The following ZNF415 variants were observed in gnomAD, a reference collection of about 807,000 sequenced individuals.
ZNF415 encodes zinc finger protein 415.
Under a neutral mutation model 7.3 loss-of-function variants are expected in ZNF415, and 5 were observed. The observed-to-expected ratio is 0.69, with a 90% confidence interval of 0.36 to 1.44. The LOEUF (loss-of-function observed/expected upper bound fraction) is 1.44, where lower values mean the gene tolerates loss of function less well. Ranked by LOEUF, ZNF415 falls within the 40% of genes most tolerant of loss-of-function variation. The pLI, the probability that ZNF415 is intolerant of heterozygous loss-of-function variation, is 0.04. For missense variants in ZNF415, 628 were observed against 664.8 expected (o/e 0.94, Z 0.61); for synonymous variants, 207 against 226.3 (o/e 0.91, Z 0.77).
rs777564271 is a variant in ZNF415 at position 53,109,788 on chromosome 19, A to C, written c.257T>G (p.Phe86Cys). The change falls in exon 4 of 4, where the codon TTC (phenylalanine) becomes TGC (cysteine). Residue 86 changes from phenylalanine (F) to cysteine (C), a missense_variant. Transcript: ENST00000243643. ...GTGTATTTTTTTCTTGATTTCCCTG[A>C]AGCAAAACTCTTCAATGTCATGTTT... is the stretch of plus-strand genomic sequence containing the variant. The part of the protein sequence containing the change: ...HEKHDIEEFC[F>C]REIKKKIHDF... 1.9e-6 allele frequency: 3 copies of C among 1,614,100 alleles called. No homozygotes were observed. Among genetic ancestry groups the C allele is most frequent in the Non-Finnish European group, 2.5e-6 (3 of 1,180,010 alleles).
Position 53,109,318 on chromosome 19 carries a change from CTT to C in ZNF415, c.725_726del (p.Lys242ArgfsTer3), listed in dbSNP as rs767680149. On this transcript the variant is annotated frameshift_variant, in exon 4 of 4. Transcript: ENST00000243643. LOFTEE classifies it low-confidence loss of function (END_TRUNC). The part of the protein sequence containing the change: ...TVRQVSHSGE[K>X]GYKCDLCGKV... ...TTGCCACACAGATCACATTTATATC[CTT>C]TCTCTCCAGAATGACTTACCTGACG... The C allele has an allele frequency of 6.2e-7, 1 of 1,614,036 alleles. No homozygotes were observed. Among genetic ancestry groups the C allele is most frequent in the African/African-American group, 1.3e-5 (1 of 74,912 alleles).
At position 53,109,453 on chromosome 19, in the gene ZNF415, T is replaced by G; in HGVS notation, c.592A>C (p.Ile198Leu). 6.2e-7 allele frequency: 1 copy of G among 1,614,118 alleles called. No individual in the cohort carries two copies. Among genetic ancestry groups the G allele is most frequent in the Non-Finnish European group, 8.5e-7 (1 of 1,179,990 alleles). The change falls in exon 4 of 4, where the codon ATC becomes CTC. Residue 198 changes from isoleucine to leucine, a missense_variant. Physicochemically the swap from Ile to Leu is conservative, Grantham distance 5. Coordinates refer to ENST00000243643, the MANE Select transcript of ZNF415 (RefSeq NM_018355.4). ...HVSNKYGTDF[I>L]CSSLLTQEQK... is the part of the protein sequence containing the mutation. ...TCTTGTGTGAGTAATGAAGAACAGA[T>G]GAAATCAGTCCCATATTTATTAGAA...
chr19:53,119,260 C>T (rs10418143), intron 2 of ZNF415, among the ~76,000 whole-genome samples: 12,629 of 150,464 alleles, frequency 0.084, 564 homozygotes, highest in East Asian at 0.12. Context: ...CCAGCCTGGG[C>T]GACAGAGGGA....
rs1181274057 is a variant in ZNF415, at chr19:53,108,355, T to C, written c.*22A>G. 6.4e-7 allele frequency: 1 copy of C among 1,570,706 alleles called. No homozygotes were observed. The highest frequency in any genetic ancestry group is 1.4e-5 in the African/African-American group (1 of 73,166). On this transcript the variant is annotated 3_prime_UTR_variant, in exon 4 of 4. Transcript: ENST00000243643. ...CTTTGATGACTCACAGGATTTAAAC[T>C]TTGACTGAAGACCTTGCCATATTAA...
At chr19:53,117,720 A>G (rs1272648942) in intron 2 of ZNF415, among the ~76,000 whole-genome samples, 3 of 152,154 alleles carry the variant, frequency 2.0e-5, no homozygotes, top group African/African-American at 7.2e-5. Context: ...TGGCCCTACA[A>G]GAAATGCTTA....
At chr19:53,119,364 G>C (rs1017290993) in intron 2 of ZNF415, among the ~76,000 whole-genome samples, 12 of 136,798 alleles carry the variant, frequency 8.8e-5, no homozygotes, top group African/African-American at 3.2e-4. Flanking sequence ...AGAATCGCTT[G>C]AACCAGGGAG....
Position 53,108,484 on chromosome 19 carries a change from T to G in ZNF415, c.1561A>C (p.Lys521Gln), listed in dbSNP as rs150603178. The G allele has an allele frequency of 2.5e-6, 4 of 1,613,836 alleles. No individual in the cohort carries two copies. The African/African-American group carries it at 5.3e-5, about 22-fold the overall frequency. The change falls in exon 4 of 4, where the codon AAG becomes CAG. Residue 521 changes from lysine to glutamine, a missense_variant. By Grantham distance (53) the Lys-to-Gln change is moderately conservative. Transcript: ENST00000243643. ...LTRHQIIHTG[K>Q]KPYKCSDCGK... Reference sequence around the variant, plus strand: ...CAATCACTACATTTGTAAGGTTTCTTTCCAGTATGGATTATCTGATGTCTA... The same window carrying G: ...CAATCACTACATTTGTAAGGTTTCTGTCCAGTATGGATTATCTGATGTCTA...
At chr19:53,118,055 C>T (rs568291654) in intron 2 of ZNF415, among the ~76,000 whole-genome samples, 1 of 152,004 alleles carries the variant, frequency 6.6e-6, no homozygotes, top group Non-Finnish European at 1.5e-5. Context: ...TATATGCTAC[C>T]TTTAAGAAAC....
intron 3 of ZNF415, chr19:53,115,705 T>C: frequency 1.3e-6 from 2 of 1,549,974 alleles, no homozygotes; most frequent in Non-Finnish European, 1.7e-6. Context: ...AGGTCTTACC[T>C]GTTTTCACAC....
chr19:53,108,724 T>C lies in ZNF415; in HGVS notation c.1321A>G (p.Lys441Glu). 6.2e-7 allele frequency: 1 copy of C among 1,614,208 alleles called. No individual in the cohort carries two copies. The highest frequency in any genetic ancestry group is 8.5e-7 in the Non-Finnish European group (1 of 1,180,028). ...RRVHTGEKPYKCNECGKAFSV... is the reference protein window; with the variant it reads ...RRVHTGEKPYECNECGKAFSV... ...AAGGCTTTCCCACACTCATTACACT[T>C]GTAAGGTTTCTCTCCAGTATGAACT... The change falls in exon 4 of 4, where the codon AAG becomes GAG. Residue 441 changes from lysine (K) to glutamate (E), a missense_variant. Coordinates refer to ENST00000243643, the MANE Select transcript of ZNF415 (RefSeq NM_018355.4).
intron 3 of ZNF415, chr19:53,115,441 T>A: frequency 2.1e-6 from 1 of 476,254 alleles, no homozygotes; most frequent in Non-Finnish European, 3.8e-6. Context: ...AGCCAGAGAG[T>A]TCACGGAAGT....
intron 1 of ZNF415, among the ~76,000 whole-genome samples, chr19:53,131,662 C>T (rs1264415170): frequency 6.6e-6 from 1 of 152,004 alleles, no homozygotes; most frequent in East Asian, 1.9e-4. Flanking sequence ...TCCTCTCCTG[C>T]TGCTCCTCCC....
chr19:53,120,355 A>C (rs1241694183), intron 2 of ZNF415, among the ~76,000 whole-genome samples: 1 of 152,200 alleles, frequency 6.6e-6, no homozygotes, highest in Non-Finnish European at 1.5e-5. Context: ...GTAAATATTC[A>C]CAACTTGCAG....
chr19:53,110,014 A>G, intron 3 of ZNF415, 106 bp from the exon 4 acceptor site: 2 of 902,976 alleles, frequency 2.2e-6, no homozygotes, highest in East Asian at 5.8e-5. Flanking sequence ...TATACAACAG[A>G]GTTATAAAAC....
intron 2 of ZNF415, among the ~76,000 whole-genome samples, chr19:53,118,734 A>G (rs187676517): frequency 5.3e-5 from 8 of 152,300 alleles, no homozygotes; most frequent in African/African-American, 1.4e-4. Context: ...ATTAAAAAAA[A>G]AAAATCTTGA....
chr19:53,110,127 G>T (rs2086021631), intron 3 of ZNF415, among the ~76,000 whole-genome samples: 1 of 152,140 alleles, frequency 6.6e-6, no homozygotes, highest in Admixed American at 6.6e-5. Flanking sequence ...GGGAAGGACA[G>T]ATTCAAACAT....
intron 3 of ZNF415, among the ~76,000 whole-genome samples, chr19:53,113,724 G>A (rs1024645132): frequency 4.6e-5 from 7 of 152,182 alleles, no homozygotes; most frequent in Non-Finnish European, 1.0e-4. Flanking sequence ...CAAATGTGGT[G>A]TGAACAATAG....
At chr19:53,122,630 G>C in intron 2 of ZNF415, 32 bp downstream of exon 2, 1 of 1,613,944 alleles carries the variant, frequency 6.2e-7, no homozygotes, top group East Asian at 2.2e-5. Flanking sequence ...AAAAGAGGGA[G>C]ACAGAATGAT....
At chr19:53,115,814 G>T in intron 3 of ZNF415, 1 of 1,546,768 alleles carries the variant, frequency 6.5e-7, no homozygotes, top group Non-Finnish European at 8.7e-7. Context: ...ATAATACTCT[G>T]GTCAGGAAGA....
Sources: gnomAD v4.1 joint callset for allele counts (sites outside exome capture counted in the v4.1 genomes callset) on GRCh38, gnomAD v4.1.1 for gene constraint, MANE v1.5 for transcripts, NCBI Gene and HGNC (gene_info 2026-07-23, HGNC 2026-07-21) for gene names.